ZMAT4: variants seen among roughly 807,000 people sequenced by gnomAD.
ZMAT4 encodes zinc finger matrin-type 4.
In ZMAT4, 17 loss-of-function variants were observed where a neutral mutation model predicts 28.7. That is an observed-to-expected ratio of 0.59 (90% CI 0.41 to 0.89). The LOEUF (loss-of-function observed/expected upper bound fraction) is 0.89. Among genes scored for constraint, ZMAT4 ranks in the 40% least tolerant of loss-of-function variants. The probability of loss-of-function intolerance (pLI) is 0.00; values close to 1 mark genes in which losing one functional copy is unlikely to be tolerated. For missense variants in ZMAT4, 240 were observed against 283.8 expected (o/e 0.85, Z 1.11); for synonymous variants, 117 against 109.2 (o/e 1.07, Z -0.44).
chr8:40,540,492 TCCTAGA>T (rs1802995057), intron 6 of ZMAT4, among the ~76,000 whole-genome samples: 1 of 152,200 alleles, frequency 6.6e-6, no homozygotes, highest in Non-Finnish European at 1.5e-5. Context: ...TTTGGGACCC[TCCTAGA>T]CCTTCTTATA....
chr8:40,722,810 A>G (rs1166100406), intron 3 of ZMAT4, among the ~76,000 whole-genome samples: 2 of 152,192 alleles, frequency 1.3e-5, no homozygotes, highest in Non-Finnish European at 2.9e-5. Flanking sequence ...CAGAGGTGGA[A>G]TCAGACACCG....
chr8:40,634,680 G>C (rs773664738), intron 5 of ZMAT4, among the ~76,000 whole-genome samples: 6 of 152,188 alleles, frequency 3.9e-5, no homozygotes, highest in Non-Finnish European at 5.9e-5. Context: ...TTCCTTTCTT[G>C]AGGAATCATT....
intron 2 of ZMAT4, among the ~76,000 whole-genome samples, chr8:40,801,351 A>AAATATAT (rs370796453): frequency 2.1e-5 from 2 of 97,262 alleles, no homozygotes; most frequent in African/African-American, 7.4e-5. Context: ...TAAAAAAAAA[A>AAATATAT]ATATATATAT....
intron 3 of ZMAT4, among the ~76,000 whole-genome samples, chr8:40,723,542 C>CAAAAAAAAAAAAAA (rs58513087): frequency 1.5e-5 from 1 of 66,858 alleles, no homozygotes; most frequent in Non-Finnish European, 2.6e-5. Flanking sequence ...GATTCCATCT[C>CAAAAAAAAAAAAAA]AAAAAAAAAA....
chr8:40,797,897 A>G (rs769244992), intron 2 of ZMAT4, among the ~76,000 whole-genome samples: 13 of 152,222 alleles, frequency 8.5e-5, no homozygotes, highest in Non-Finnish European at 1.6e-4. Context: ...CTTGAATTCC[A>G]AGTCAGAACC....
intron 2 of ZMAT4, among the ~76,000 whole-genome samples, chr8:40,809,455 C>T (rs1815233284): frequency 6.6e-6 from 1 of 151,994 alleles, no homozygotes; most frequent in East Asian, 1.9e-4. Flanking sequence ...TACATGTATC[C>T]TCAGAATCTC....
chr8:40,796,870 C>T (rs894592817), intron 2 of ZMAT4, among the ~76,000 whole-genome samples: 1 of 152,168 alleles, frequency 6.6e-6, no homozygotes, highest in Admixed American at 6.5e-5. Context: ...CTGCTGTGCT[C>T]GGAGATCTCA....
chr8:40,625,008 G>A (rs1806319953), intron 5 of ZMAT4, among the ~76,000 whole-genome samples: 2 of 152,178 alleles, frequency 1.3e-5, no homozygotes, highest in South Asian at 2.1e-4. Flanking sequence ...TAAAAGGAGG[G>A]GGCAGTGCTC....
At chr8:40,668,426 C>T (rs889670528) in intron 5 of ZMAT4, among the ~76,000 whole-genome samples, 2 of 140,694 alleles carry the variant, frequency 1.4e-5, no homozygotes, top group African/African-American at 5.4e-5. Context: ...GCCAAGATAG[C>T]GCCACTGCAC....
chr8:40,538,165 C>T (rs1444763888), intron 6 of ZMAT4, among the ~76,000 whole-genome samples: 1 of 152,140 alleles, frequency 6.6e-6, no homozygotes, highest in Non-Finnish European at 1.5e-5. Context: ...ACTTTGCAAC[C>T]TATTTTCTCG....
At chr8:40,707,649 A>G (rs865976385) in intron 3 of ZMAT4, among the ~76,000 whole-genome samples, 6 of 152,192 alleles carry the variant, frequency 3.9e-5, no homozygotes, top group African/African-American at 1.4e-4. Flanking sequence ...ATGTGTGTAT[A>G]TAAAGTATGT....
chr8:40,811,031 G>A (rs1049651590), intron 2 of ZMAT4, among the ~76,000 whole-genome samples: 2 of 152,160 alleles, frequency 1.3e-5, no homozygotes, highest in Non-Finnish European at 2.9e-5. Context: ...GCCAATGATT[G>A]GCAGATATGT....
intron 4 of ZMAT4, among the ~76,000 whole-genome samples, chr8:40,683,657 C>T (rs1227869612): frequency 1.3e-5 from 2 of 152,124 alleles, no homozygotes; most frequent in African/African-American, 2.4e-5. Context: ...ACACAGGTGG[C>T]AAGGTCCAAT....
In ZMAT4 at chr8:40,825,189, C is replaced by A. The variant is rs186894065; in HGVS notation, c.102+386G>T. On this transcript the variant is annotated intron_variant, in intron 2 of 6. Transcript: ENST00000297737. ...TTTCCCTACAGTGTTTAACAAAGGT[C>A]TTCTGAGCTTATCTTTGGGGTCATA... Among the ~76,000 whole-genome samples the A allele has an allele frequency of 9.8e-5, 15 of 152,292 alleles. 1 individual carries two copies. In the East Asian group the frequency reaches 2.3e-3, roughly 24 times the overall value.
intron 3 of ZMAT4, among the ~76,000 whole-genome samples, chr8:40,728,801 AT>A (rs1190716049): frequency 6.6e-6 from 1 of 151,318 alleles, no homozygotes; most frequent in Middle Eastern, 3.4e-3. Flanking sequence ...GACGCCAACC[AT>A]TTTTTTTTCT....
intron 5 of ZMAT4, among the ~76,000 whole-genome samples, chr8:40,642,432 A>G (rs1348234373): frequency 6.6e-6 from 1 of 152,202 alleles, no homozygotes; most frequent in Non-Finnish European, 1.5e-5. Context: ...ATACACAGTC[A>G]ATGTGGCTAT....
chr8:40,605,359 A>G (rs1159253758), intron 5 of ZMAT4, among the ~76,000 whole-genome samples: 3 of 152,112 alleles, frequency 2.0e-5, no homozygotes, highest in South Asian at 4.1e-4. Context: ...GCTGTATCCC[A>G]GAGGTTTTGA....
intron 3 of ZMAT4, among the ~76,000 whole-genome samples, chr8:40,745,633 G>A (rs893124448): frequency 6.6e-6 from 1 of 152,146 alleles, no homozygotes; most frequent in Non-Finnish European, 1.5e-5. Flanking sequence ...GAGAATAAGT[G>A]CCGAAAGAGG....
chr8:40,538,292 T>C (rs1802912892), intron 6 of ZMAT4, among the ~76,000 whole-genome samples: 1 of 152,160 alleles, frequency 6.6e-6, no homozygotes, highest in African/African-American at 2.4e-5. Context: ...ACTCAACCAA[T>C]TGTCAACCAA....
Sources: allele counts gnomAD v4.1 joint callset (sites outside exome capture counted in the v4.1 genomes callset), GRCh38; gene constraint gnomAD v4.1.1; transcripts MANE v1.5; gene names NCBI Gene and HGNC (gene_info 2026-07-23, HGNC 2026-07-21).